Variants in LRRC20 observed in about 807,000 individuals in gnomAD.
LRRC20 encodes the protein leucine-rich repeat-containing protein 20.
LRRC20 carries 11 observed loss-of-function variants against 14.4 expected under a neutral mutation model. That is an observed-to-expected ratio of 0.77 (90% confidence interval 0.48 to 1.27). The LOEUF (loss-of-function observed/expected upper bound fraction) is 1.27. Ranked by LOEUF, LRRC20 falls within the 50% of genes most tolerant of loss-of-function variation. The pLI is 0.00. For synonymous variants in LRRC20, 121 were observed against 107.3 expected, an observed-to-expected ratio of 1.13 and a Z score of -0.79; for missense variants, 219 against 251.2, an observed-to-expected ratio of 0.87 and a Z score of 0.87.
At chr10:70,304,506 A>ATATATATT (rs1841344063) in intron 4 of LRRC20, among the ~76,000 whole-genome samples, 1 of 129,366 alleles carries the variant, frequency 7.7e-6, no homozygotes, top group African/African-American at 3.0e-5. Context: ...ATATATATAT[A>ATATATATT]TTTTACTAAG....
intron 2 of LRRC20, among the ~76,000 whole-genome samples, chr10:70,365,502 A>C (rs545473090): frequency 5.3e-4 from 80 of 152,340 alleles, no homozygotes; most frequent in African/African-American, 1.8e-3. Flanking sequence ...TCATGTATAA[A>C]AGATAAAACG....
chr10:70,366,397 T>A (rs750637010), intron 2 of LRRC20, among the ~76,000 whole-genome samples: 5 of 151,902 alleles, frequency 3.3e-5, no homozygotes, highest in Non-Finnish European at 7.4e-5. Flanking sequence ...TACTCCAGCC[T>A]GGGTGACAAG....
At chr10:70,312,453 C>A (rs116573030) in intron 4 of LRRC20, among the ~76,000 whole-genome samples, 2,535 of 152,298 alleles carry the variant, frequency 0.017, 99 homozygotes, top group African/African-American at 0.058. Flanking sequence ...GCCTTCCCTA[C>A]TGCCACATGG....
chr10:70,364,679 G>C (rs2137119539), intron 2 of LRRC20, among the ~76,000 whole-genome samples: 1 of 152,318 alleles, frequency 6.6e-6, no homozygotes, highest in Admixed American at 6.5e-5. Context: ...GCCTGTGACA[G>C]GGCGCCATCT....
At chr10:70,374,196 C>T (rs1013788382) in intron 2 of LRRC20, among the ~76,000 whole-genome samples, 10 of 152,126 alleles carry the variant, frequency 6.6e-5, no homozygotes, top group African/African-American at 1.4e-4. Context: ...GTCTCCTCAC[C>T]GCTGCCTCCT....
intron 2 of LRRC20, among the ~76,000 whole-genome samples, chr10:70,354,804 T>A (rs1843461373): frequency 6.6e-6 from 1 of 152,102 alleles, no homozygotes; most frequent in Non-Finnish European, 1.5e-5. Context: ...CACTCTCTTC[T>A]CTCGCTTTGT....
At chr10:70,361,518 C>T (rs569871429) in intron 2 of LRRC20, among the ~76,000 whole-genome samples, 1 of 152,142 alleles carries the variant, frequency 6.6e-6, no homozygotes. Flanking sequence ...GAGGAAGTGA[C>T]ATTTAGCTGA....
At chr10:70,352,101 G>A (rs1055524670) in intron 2 of LRRC20, among the ~76,000 whole-genome samples, 5 of 134,746 alleles carry the variant, frequency 3.7e-5, no homozygotes, top group African/African-American at 1.4e-4. Flanking sequence ...ACTGAACACT[G>A]GATGCATGTG....
Position 70,374,595 on chromosome 10 carries a change from C to T in LRRC20, c.82+1857G>A, listed in dbSNP as rs144929499. 8.2e-3 allele frequency among the ~76,000 whole-genome samples: 1,248 copies of T among 152,226 alleles called. 17 individuals carry two copies. The highest frequency in any genetic ancestry group is 0.047 in the South Asian group (226 of 4,824). On this transcript the variant is annotated intron_variant, in intron 2 of 4. Coordinates refer to ENST00000446961, the MANE Select transcript of LRRC20 (RefSeq NM_001278212.2). ...CTGGCCCCAAGCGATCCACCTGCTT[C>T]GGCCTCCCAAAGTGCTGAGATTACA...
chr10:70,372,750 GCCA>G (rs1844349608), intron 2 of LRRC20, among the ~76,000 whole-genome samples: 2 of 151,960 alleles, frequency 1.3e-5, no homozygotes, highest in African/African-American at 4.8e-5. Flanking sequence ...CCGAGAATGT[GCCA>G]GTCTTTATTT....
intron 4 of LRRC20, among the ~76,000 whole-genome samples, chr10:70,322,891 A>G (rs1182015402): frequency 6.6e-6 from 1 of 151,746 alleles, no homozygotes; most frequent in Non-Finnish European, 1.5e-5. Context: ...GGCACCGCTG[A>G]CAGATGGGCA....
intron 4 of LRRC20, among the ~76,000 whole-genome samples, chr10:70,304,099 C>T (rs1454102059): frequency 6.6e-6 from 1 of 152,128 alleles, no homozygotes; most frequent in African/African-American, 2.4e-5. Context: ...GTTCCTCCCA[C>T]CTAACCTTTA....
chr10:70,301,245 G>GCCCCCCCC lies in LRRC20; in HGVS notation c.*108_*109insGGGGGGGG. 6.8e-7 allele frequency: 1 copy of GCCCCCCCC among 1,465,180 alleles called. No homozygotes were observed. The highest frequency in any genetic ancestry group is 9.0e-7 in the Non-Finnish European group (1 of 1,112,532). 90.8% of individuals were successfully genotyped at this position (1,465,180 alleles called of 1,614,324 possible). A position where few individuals can be genotyped will look rare whatever the true frequency, so the allele number is the denominator to read the frequency against. On this transcript the variant is annotated 3_prime_UTR_variant, in exon 5 of 5. Coordinates refer to ENST00000446961, the MANE Select transcript of LRRC20 (RefSeq NM_001278212.2). ...CACCCCACCCACCACGTGCTGCTCG[G>GCCCCCCCC]CCCACCCGCCCCCAGCCCCCAGGCT...
chr10:70,366,303 A>G (rs1415135851), intron 2 of LRRC20, among the ~76,000 whole-genome samples: 2 of 150,722 alleles, frequency 1.3e-5, no homozygotes, highest in South Asian at 4.2e-4. Context: ...GGCGCCTGTA[A>G]TCCCAGCTGC....
intron 3 of LRRC20, among the ~76,000 whole-genome samples, chr10:70,329,220 T>C (rs1036173730): frequency 6.6e-6 from 1 of 151,922 alleles, no homozygotes; most frequent in African/African-American, 2.4e-5. Context: ...CAGGGAGAAA[T>C]AGTAAACAAG....
In LRRC20 at chr10:70,360,759, G is replaced by A. The variant is rs1244580843; in HGVS notation, c.82+15693C>T. Among the ~76,000 whole-genome samples the A allele has an allele frequency of 2.6e-5, 4 of 152,146 alleles. No individual in the cohort carries two copies. In the East Asian group the frequency reaches 5.8e-4, roughly 22 times the overall value. On this transcript the variant is annotated intron_variant, in intron 2 of 4. Coordinates refer to ENST00000446961, the MANE Select transcript of LRRC20 (RefSeq NM_001278212.2). ...CACTGGGCCCACTGCATTTCTGCCA[G>A]CTCTGTCAGGGTCCCTATCCCGTTG...
intron 4 of LRRC20, 36 bp from the exon 5 acceptor site, chr10:70,301,544 AG>A: frequency 6.2e-7 from 1 of 1,602,530 alleles, no homozygotes; most frequent in Non-Finnish European, 8.5e-7. Flanking sequence ...AGAGTGGTGG[AG>A]GCCAACCAGA....
intron 4 of LRRC20, among the ~76,000 whole-genome samples, chr10:70,314,217 C>CGG (rs1841777195): frequency 6.6e-6 from 1 of 152,132 alleles, no homozygotes; most frequent in Non-Finnish European, 1.5e-5. Flanking sequence ...ACAGCCAAAC[C>CGG]ATATCAACCA....
chr10:70,306,878 A>G (rs766969774), intron 4 of LRRC20, among the ~76,000 whole-genome samples: 4 of 152,164 alleles, frequency 2.6e-5, no homozygotes, highest in African/African-American at 4.8e-5. Flanking sequence ...TCTTCCATGT[A>G]TCTATTATCA....
Sources: gnomAD v4.1 joint callset for allele counts (sites outside exome capture counted in the v4.1 genomes callset) on GRCh38, gnomAD v4.1.1 for gene constraint, MANE v1.5 for transcripts, NCBI Gene and HGNC (gene_info 2026-07-23, HGNC 2026-07-21) for gene names.